Variants in GOLGA8S observed in about 807,000 individuals in gnomAD.
GOLGA8S encodes golgin subfamily A member 8S.
GOLGA8S carries 23 observed loss-of-function variants against 58.9 expected under a neutral mutation model. The observed-to-expected ratio is 0.39, with a 90% confidence interval of 0.28 to 0.55. The LOEUF is 0.55. GOLGA8S is among the 20% of genes least tolerant of loss of function. The pLI is 0.63. For synonymous variants in GOLGA8S, 84 were observed against 195.7 expected (o/e 0.43, Z 4.76); for missense variants, 266 against 514.2 (o/e 0.52, Z 4.67).
At chr15:23,361,159 C>G (rs1214693294) in intron 11 of GOLGA8S, 62 bp from the exon 12 acceptor site, 4 of 1,003,966 alleles carry the variant, frequency 4.0e-6, no homozygotes, top group Non-Finnish European at 5.5e-6. Flanking sequence ...CTTTTCTTTT[C>G]TTTTCTTTTC....
At chr15:23,358,010 G>A (rs1010447154) in intron 4 of GOLGA8S, among the ~76,000 whole-genome samples, 1 of 150,254 alleles carries the variant, frequency 6.7e-6, no homozygotes, top group Non-Finnish European at 1.5e-5. Flanking sequence ...GAGTATCAAA[G>A]GTCTCTGTTA....
At chr15:23,365,110 T>G (rs752679351) in exon 19 of GOLGA8S, 1 of 1,587,914 alleles carries the variant, frequency 6.3e-7, no homozygotes, top group Non-Finnish European at 8.5e-7. Flanking sequence ...TTTGCTGGGC[T>G]TGGCTGCCAA....
chr15:23,357,839 G>C (rs2069712719), intron 4 of GOLGA8S, among the ~76,000 whole-genome samples: 1 of 150,022 alleles, frequency 6.7e-6, no homozygotes, highest in African/African-American at 2.5e-5. Context: ...CCCTGCTCGA[G>C]TCCTTGCTAC....
exon 12 of GOLGA8S, chr15:23,361,240 G>A: frequency 1.3e-6 from 2 of 1,492,790 alleles, no homozygotes; most frequent in East Asian, 4.5e-5. Context: ...TGCCCCCGGA[G>A]CCCCCAGCAG....
chr15:23,362,879 C>A (rs1385379501), intron 13 of GOLGA8S, among the ~76,000 whole-genome samples: 1 of 131,788 alleles, frequency 7.6e-6, no homozygotes, highest in East Asian at 2.1e-4. Context: ...GCAGCAGCAG[C>A]CAGACCATTA....
At chr15:23,360,948 G>A (rs575827117) in intron 11 of GOLGA8S, 133 bp downstream of exon 11, 45 of 722,204 alleles carry the variant, frequency 6.2e-5, no homozygotes, top group Admixed American at 5.6e-4. Flanking sequence ...GCCAGGAGAC[G>A]GCAAGTCTTG....
In GOLGA8S at chr15:23,363,622, A is replaced by G. The variant is rs544880044; in HGVS notation, c.1256-56A>G. 4.7e-3 allele frequency: 1,592 copies of G among 340,530 alleles called. 254 individuals are homozygous for G. Among genetic ancestry groups the G allele is most frequent in the South Asian group, 0.014 (525 of 36,712 alleles). 21.1% of individuals were successfully genotyped at this position (340,530 alleles called of 1,614,324 possible). A position where few individuals can be genotyped will look rare whatever the true frequency, so the allele number is the denominator to read the frequency against. On this transcript the variant is annotated intron_variant, in intron 14 of 18. Transcript: ENST00000562295. ...GGGTGGAGGTAGAGGTGGGCCCACA[A>G]TACTTCCCTTGTTGAGTTGTCTGAG...
At chr15:23,361,897 G>C (rs1199799297) in intron 13 of GOLGA8S, 105 bp downstream of exon 13, 2 of 922,930 alleles carry the variant, frequency 2.2e-6, no homozygotes, top group Non-Finnish European at 1.7e-6. Flanking sequence ...CTCCAGCCCA[G>C]GGGCAGGTGA....
In GOLGA8S at chr15:23,360,711, C is replaced by T; in HGVS notation, c.787-17C>T. On this transcript the variant is annotated splice_polypyrimidine_tract_variant and intron_variant, in intron 10 of 18. Transcript: ENST00000562295. ...AGCCCCTCTCTCCAGGGCCCTTTCCCCCTGTGCTTTGGGCAGGTTTGCTCG... is the reference window on the plus strand; with the variant it reads ...AGCCCCTCTCTCCAGGGCCCTTTCCTCCTGTGCTTTGGGCAGGTTTGCTCG... 1.9e-6 allele frequency: 2 copies of T among 1,076,538 alleles called. No homozygotes were observed. Among genetic ancestry groups the T allele is most frequent in the Non-Finnish European group, 2.9e-6 (2 of 693,188 alleles). 66.7% of individuals were successfully genotyped at this position (1,076,538 alleles called of 1,614,324 possible). A position where few individuals can be genotyped will look rare whatever the true frequency, so the allele number is the denominator to read the frequency against.
intron 15 of GOLGA8S, 39 bp from the exon 16 acceptor site, chr15:23,364,304 G>A (rs2069867496): frequency 6.3e-7 from 1 of 1,596,356 alleles, no homozygotes; most frequent in Non-Finnish European, 8.5e-7. Context: ...CCTGAGGGCA[G>A]GTCGCTGCCG....
downstream of GOLGA8S, chr15:23,367,371 C>A (rs1669732996): frequency 7.2e-6 from 1 of 138,860 alleles, no homozygotes; most frequent in African/African-American, 2.6e-5. Flanking sequence ...TTCAAAGGTA[C>A]TTTTATCGTT....
exon 11 of GOLGA8S, chr15:23,360,794 T>C (rs746198962): frequency 1.8e-5 from 26 of 1,438,438 alleles, no homozygotes; most frequent in African/African-American, 2.8e-5. Flanking sequence ...GAGGAGCTTG[T>C]CCAAACTCAA....
At chr15:23,365,206 C>T, downstream of GOLGA8S, 2 of 1,364,370 alleles carry the variant, frequency 1.5e-6, no homozygotes, top group Non-Finnish European at 2.0e-6. Flanking sequence ...TAATCTCCTA[C>T]ACAATTCATT....
At chr15:23,364,228 G>A (rs1405841616) in intron 15 of GOLGA8S, 115 bp from the exon 16 acceptor site, 7 of 1,509,814 alleles carry the variant, frequency 4.6e-6, no homozygotes, top group South Asian at 1.2e-5. Flanking sequence ...GGCCCTGCAG[G>A]AAGTCACGGA....
At chr15:23,361,736 A>G in exon 13 of GOLGA8S, 1 of 713,148 alleles carries the variant, frequency 1.4e-6, no homozygotes, top group Non-Finnish European at 2.5e-6. Flanking sequence ...CAATGAGAAC[A>G]AGAGCGTACT....
intron 4 of GOLGA8S, among the ~76,000 whole-genome samples, chr15:23,357,928 C>G (rs2069714030): frequency 6.7e-6 from 1 of 150,034 alleles, no homozygotes; most frequent in Non-Finnish European, 1.5e-5. Context: ...TGCCATGACT[C>G]AGTCCCTAAT....
Position 23,361,418 on chromosome 15 carries a change from C to T in GOLGA8S, c.1072C>T (p.Gln358Ter), listed in dbSNP as rs767592276. 4.6e-6 allele frequency: 4 copies of T among 875,138 alleles called. No individual in the cohort carries two copies. Among genetic ancestry groups the T allele is most frequent in the Admixed American group, 3.4e-5 (2 of 58,744 alleles). 54.2% of individuals were successfully genotyped at this position (875,138 alleles called of 1,614,324 possible). The stretch of plus-strand genomic sequence containing the variant: ...GCTTCCAGAGCAGGAGGAGAGGCTT[C>T]AGCAGCTGGCCGAGCCACAGAACAG... The change falls in exon 12 of 19, where the codon CAG (glutamine) becomes TAG (stop). Residue 358 changes from glutamine (Q) to a stop codon, truncating the protein, a stop_gained. Transcript: ENST00000562295. LOFTEE classifies it high-confidence loss of function.
chr15:23,365,562 G>A (rs2069907055), downstream of GOLGA8S: 5 of 286,420 alleles, frequency 1.7e-5, no homozygotes, highest in South Asian at 1.4e-4. Context: ...GCTGTTGTTT[G>A]ATCTAATCTT....
intron 13 of GOLGA8S, among the ~76,000 whole-genome samples, chr15:23,362,751 C>T (rs2141027667): frequency 7.0e-6 from 1 of 142,884 alleles, no homozygotes; most frequent in South Asian, 2.3e-4. Context: ...GCGACAGAGC[C>T]CCACAGTGCC....
Sources: gnomAD v4.1 joint callset for allele counts (sites outside exome capture counted in the v4.1 genomes callset) on GRCh38, gnomAD v4.1.1 for gene constraint, MANE v1.5 for transcripts, NCBI Gene and HGNC (gene_info 2026-07-23, HGNC 2026-07-21) for gene names.